BABAM2: variants seen among roughly 807,000 people sequenced by gnomAD.
The protein encoded by BABAM2 is BRISC and BRCA1-A complex member 2.
Under a neutral mutation model 54.7 loss-of-function variants are expected in BABAM2, and 31 were observed. The ratio of observed to expected loss-of-function variants is 0.57; its 90% CI spans 0.43 to 0.77. BABAM2 has a LOEUF of 0.77. Among genes scored for constraint, BABAM2 ranks in the 30% least tolerant of loss-of-function variants. BABAM2 has a pLI of 0.00. For missense variants in BABAM2, 364 were observed against 455.8 expected (o/e 0.80, Z 1.83); for synonymous variants, 167 against 162.9 (o/e 1.03, Z -0.19).
intron 6 of BABAM2, among the ~76,000 whole-genome samples, chr2:28,074,276 C>A (rs1558311546): frequency 6.6e-6 from 1 of 152,166 alleles, no homozygotes; most frequent in Non-Finnish European, 1.5e-5. Context: ...CCAGATAATT[C>A]ATTTTTGCTG....
At chr2:28,073,374 T>C (rs920984539) in intron 6 of BABAM2, among the ~76,000 whole-genome samples, 2 of 152,138 alleles carry the variant, frequency 1.3e-5, no homozygotes, top group Non-Finnish European at 2.9e-5. Context: ...GGTGTGCTTC[T>C]GTAGTCCCAG....
chr2:28,082,194 C>T lies in BABAM2; in HGVS notation c.570+36395C>T, dbSNP rs151302103. Among the ~76,000 whole-genome samples, 751 of 152,242 alleles carry T rather than the reference C, an allele frequency of 4.9e-3. 7 individuals are homozygous for T. Among genetic ancestry groups the T allele is most frequent in the Non-Finnish European group, 6.3e-3 (430 of 68,014 alleles). On this transcript the variant is annotated intron_variant, in intron 6 of 11. Transcript: ENST00000379624. ...AAAGTGAAGAGCAATTCTTTTTCAG[C>T]GTGATATATTTTTCAGTTTTAGGTT...
intron 6 of BABAM2, among the ~76,000 whole-genome samples, chr2:28,116,047 G>A (rs930146601): frequency 1.8e-4 from 27 of 151,600 alleles, no homozygotes; most frequent in African/African-American, 6.0e-4. Flanking sequence ...CCTGGGAGGC[G>A]GAGGTTGCAG....
chr2:28,075,359 A>C (rs1166951265), intron 6 of BABAM2, among the ~76,000 whole-genome samples: 1 of 152,204 alleles, frequency 6.6e-6, no homozygotes, highest in Non-Finnish European at 1.5e-5. Flanking sequence ...CTAACAAATT[A>C]GTAATAGAGC....
chr2:28,260,304 T>C (rs561663802), intron 10 of BABAM2, among the ~76,000 whole-genome samples: 216 of 146,020 alleles, frequency 1.5e-3, no homozygotes, highest in African/African-American at 4.7e-3. Flanking sequence ...CTTTTCTTTT[T>C]TTTTTTTTTT....
At chr2:28,068,259 C>T (rs1291656742) in intron 6 of BABAM2, among the ~76,000 whole-genome samples, 4 of 152,160 alleles carry the variant, frequency 2.6e-5, no homozygotes, top group Non-Finnish European at 5.9e-5. Flanking sequence ...GCATTCCAAT[C>T]TTCTTATGCA....
intron 4 of BABAM2, among the ~76,000 whole-genome samples, chr2:28,003,648 G>A (rs902459819): frequency 1.3e-5 from 2 of 152,074 alleles, no homozygotes; most frequent in East Asian, 1.9e-4. Context: ...AGAACTACAG[G>A]TATTGAAAAT....
chr2:28,297,038 G>C (rs1433547910), intron 10 of BABAM2, among the ~76,000 whole-genome samples: 1 of 152,166 alleles, frequency 6.6e-6, no homozygotes, highest in Admixed American at 6.5e-5. Context: ...TAGCTAAAAA[G>C]ACGAACCTTA....
intron 6 of BABAM2, among the ~76,000 whole-genome samples, chr2:28,057,529 A>G (rs144626895): frequency 6.6e-6 from 1 of 151,766 alleles, no homozygotes; most frequent in East Asian, 1.9e-4. Flanking sequence ...ACTTTCCTCT[A>G]TGGTAGAGTT....
intron 6 of BABAM2, among the ~76,000 whole-genome samples, chr2:28,106,745 C>T (rs1667561625): frequency 1.3e-5 from 2 of 152,178 alleles, no homozygotes; most frequent in Admixed American, 1.3e-4. Flanking sequence ...TCCCCTTTGT[C>T]ATTGGTATTT....
intron 7 of BABAM2, among the ~76,000 whole-genome samples, chr2:28,172,093 G>GAAA (rs1342790656): frequency 1.9e-4 from 8 of 41,770 alleles, no homozygotes; most frequent in South Asian, 9.2e-4. Context: ...TGAAATGTGT[G>GAAA]TGTGTGTGTG....
chr2:27,928,413 G>A (rs535970374), intron 2 of BABAM2, among the ~76,000 whole-genome samples: 1 of 152,236 alleles, frequency 6.6e-6, no homozygotes, highest in African/African-American at 2.4e-5. Context: ...GCCTCCCAAA[G>A]TGCTGGGATT....
Position 28,338,442 on chromosome 2 carries a change from C to A in BABAM2, c.1089-8C>A, listed in dbSNP as rs1044102099. The A allele has an allele frequency of 6.2e-7, 1 of 1,613,542 alleles. No homozygotes were observed. Among genetic ancestry groups the A allele is most frequent in the African/African-American group, 1.3e-5 (1 of 74,932 alleles). On this transcript the variant is annotated splice_region_variant and splice_polypyrimidine_tract_variant and intron_variant, in intron 11 of 11. Transcript: ENST00000379624. ...CACAATTTTTTTTCTCCCCTTCTTTCCCACCAGGGCTTATTTCAAAACCTT... is the reference window on the plus strand; with the variant it reads ...CACAATTTTTTTTCTCCCCTTCTTTACCACCAGGGCTTATTTCAAAACCTT...
At chr2:28,030,446 A>G (rs1193376277) in intron 5 of BABAM2, among the ~76,000 whole-genome samples, 1 of 152,200 alleles carries the variant, frequency 6.6e-6, no homozygotes, top group African/African-American at 2.4e-5. Context: ...CTTACAGCAG[A>G]CCAGGCCTAG....
chr2:28,218,470 T>C (rs1680109461), intron 7 of BABAM2, among the ~76,000 whole-genome samples: 1 of 152,252 alleles, frequency 6.6e-6, no homozygotes, highest in South Asian at 2.1e-4. Flanking sequence ...TTGACATTTT[T>C]GAAGAGTACA....
chr2:28,034,546 T>C (rs1676524152), intron 5 of BABAM2, among the ~76,000 whole-genome samples: 1 of 152,124 alleles, frequency 6.6e-6, no homozygotes, highest in Non-Finnish European at 1.5e-5. Flanking sequence ...AAAGTTACCA[T>C]ATGTGACCAA....
At chr2:28,188,998 C>T (rs532613072) in intron 7 of BABAM2, among the ~76,000 whole-genome samples, 27 of 152,230 alleles carry the variant, frequency 1.8e-4, no homozygotes, top group African/African-American at 6.3e-4. Context: ...GTCGGGAGTT[C>T]GAGACCAGCC....
At chr2:28,203,618 A>G (rs1678512446) in intron 7 of BABAM2, among the ~76,000 whole-genome samples, 2 of 152,184 alleles carry the variant, frequency 1.3e-5, no homozygotes, top group African/African-American at 2.4e-5. Context: ...CCTTAAAAAT[A>G]TAGTAGGTTG....
intron 2 of BABAM2, among the ~76,000 whole-genome samples, chr2:27,906,278 A>G (rs1282477336): frequency 2.0e-5 from 3 of 152,144 alleles, no homozygotes; most frequent in Non-Finnish European, 2.9e-5. Flanking sequence ...TCCATCAGGA[A>G]GTATTCCTTG....
Sources: allele counts gnomAD v4.1 joint callset (sites outside exome capture counted in the v4.1 genomes callset), GRCh38; gene constraint gnomAD v4.1.1; transcripts MANE v1.5; gene names NCBI Gene and HGNC (gene_info 2026-07-23, HGNC 2026-07-21).